PRKCH: variants seen among roughly 807,000 people sequenced by gnomAD.
The protein encoded by PRKCH is protein kinase C eta, also known as protein kinase C eta type.
Under a neutral mutation model 82.5 loss-of-function variants are expected in PRKCH, and 28 were observed. That is an observed-to-expected ratio of 0.34 (90% CI 0.25 to 0.47). The LOEUF is 0.47. Ranked by LOEUF, PRKCH falls within the 20% of genes least tolerant of loss-of-function variation. The pLI, the probability that PRKCH is intolerant of heterozygous loss-of-function variation, is 1.00. For synonymous variants in PRKCH, 322 were observed against 327.4 expected, an observed-to-expected ratio of 0.98 and a Z score of 0.18; for missense variants, 705 against 881.8, an observed-to-expected ratio of 0.80 and a Z score of 2.54.
At chr14:61,507,279 G>A (rs1196983464) in intron 10 of PRKCH, among the ~76,000 whole-genome samples, 4 of 152,124 alleles carry the variant, frequency 2.6e-5, no homozygotes, top group Admixed American at 6.5e-5. Context: ...CCAAAAACCT[G>A]AGGACAAGTG....
intron 3 of PRKCH, 30 bp from the exon 4 acceptor site, chr14:61,445,662 G>A (rs1234090005): frequency 6.3e-7 from 1 of 1,592,864 alleles, no homozygotes; most frequent in Non-Finnish European, 8.6e-7. Context: ...TGAAATACTT[G>A]ACTGATGGTA....
chr14:61,378,212 C>A (rs138032652), intron 1 of PRKCH, among the ~76,000 whole-genome samples: 5 of 142,918 alleles, frequency 3.5e-5, no homozygotes, highest in African/African-American at 1.1e-4. Context: ...CTTTTTTTTT[C>A]TTTTTCTTTT....
chr14:61,378,531 C>G (rs2046455865), intron 1 of PRKCH, among the ~76,000 whole-genome samples: 1 of 152,190 alleles, frequency 6.6e-6, no homozygotes, highest in South Asian at 2.1e-4. Flanking sequence ...GATGTTGCCA[C>G]TGACCTATTC....
chr14:61,502,614 T>C (rs1231837462), intron 10 of PRKCH, among the ~76,000 whole-genome samples: 1 of 152,154 alleles, frequency 6.6e-6, no homozygotes, highest in East Asian at 1.9e-4. Context: ...ATAGAGTGCC[T>C]TCTGTTGTAC....
At chr14:61,219,961 A>T (rs571029099) in intron 1 of PRKCH, among the ~76,000 whole-genome samples, 6 of 152,328 alleles carry the variant, frequency 3.9e-5, no homozygotes, top group African/African-American at 4.8e-5. Context: ...CTGCAACCTG[A>T]CTACATTCCT....
intron 12 of PRKCH, among the ~76,000 whole-genome samples, chr14:61,542,283 A>C (rs968462567): frequency 1.3e-5 from 2 of 150,876 alleles, no homozygotes; most frequent in African/African-American, 4.9e-5. Context: ...CAAGAGCGAG[A>C]CTCCATATCA....
intron 2 of PRKCH, among the ~76,000 whole-genome samples, chr14:61,406,254 A>G (rs779728561): frequency 1.3e-5 from 2 of 152,250 alleles, no homozygotes; most frequent in African/African-American, 2.4e-5. Flanking sequence ...AGAGTTGACA[A>G]AAACCCCAAA....
intron 10 of PRKCH, among the ~76,000 whole-genome samples, chr14:61,491,837 G>T (rs989863087): frequency 6.6e-6 from 1 of 152,212 alleles, no homozygotes; most frequent in African/African-American, 2.4e-5. Context: ...ATACTCGCCA[G>T]TGGAGGGTAT....
At chr14:61,492,463 A>G (rs1005145890) in intron 10 of PRKCH, among the ~76,000 whole-genome samples, 1 of 152,224 alleles carries the variant, frequency 6.6e-6, no homozygotes, top group Non-Finnish European at 1.5e-5. Flanking sequence ...ATTGTTTCTC[A>G]TAGTGGATAT....
chr14:61,212,419 G>A (rs985537985), intron 1 of PRKCH, among the ~76,000 whole-genome samples: 4 of 152,154 alleles, frequency 2.6e-5, no homozygotes, highest in African/African-American at 9.7e-5. Context: ...ACAGAAAATA[G>A]AATCAGTAAT....
intron 1 of PRKCH, among the ~76,000 whole-genome samples, chr14:61,379,094 T>G (rs1294480871): frequency 6.6e-6 from 1 of 152,242 alleles, no homozygotes; most frequent in Non-Finnish European, 1.5e-5. Context: ...TTGGATGCAC[T>G]TTCCTCTGCA....
At chr14:61,365,264 G>T (rs1035349582) in intron 1 of PRKCH, among the ~76,000 whole-genome samples, 1 of 152,080 alleles carries the variant, frequency 6.6e-6, no homozygotes, top group African/African-American at 2.4e-5. Context: ...ATCTGAAGAT[G>T]CTGTTGGGAT....
At chr14:61,322,715 A>C in intron 1 of PRKCH, 1 of 471,718 alleles carries the variant, frequency 2.1e-6, no homozygotes, top group Admixed American at 3.5e-5. Flanking sequence ...CCTAACGGGA[A>C]GTCGGGCAGG....
At chr14:61,201,563 A>C (rs1185187375) in intron 1 of PRKCH, among the ~76,000 whole-genome samples, 1 of 152,212 alleles carries the variant, frequency 6.6e-6, no homozygotes, top group African/African-American at 2.4e-5. Flanking sequence ...TTGATCACAT[A>C]AAAATAGTAA....
intron 1 of PRKCH, among the ~76,000 whole-genome samples, chr14:61,357,657 A>G (rs1566836720): frequency 6.6e-6 from 1 of 152,146 alleles, no homozygotes; most frequent in South Asian, 2.1e-4. Flanking sequence ...TATAGTCCTT[A>G]TCTTTCTGGA....
intron 1 of PRKCH, among the ~76,000 whole-genome samples, chr14:61,312,850 C>T (rs2045535735): frequency 6.6e-6 from 1 of 152,168 alleles, no homozygotes; most frequent in African/African-American, 2.4e-5. Context: ...GGGTGGCACA[C>T]AGCCAAACCA....
At chr14:61,227,316 T>C (rs898403887) in intron 1 of PRKCH, among the ~76,000 whole-genome samples, 1 of 152,224 alleles carries the variant, frequency 6.6e-6, no homozygotes, top group African/African-American at 2.4e-5. Context: ...CTGTTGTGGC[T>C]GGGCGCGGTG....
intron 2 of PRKCH, among the ~76,000 whole-genome samples, chr14:61,413,779 C>T (rs892373611): frequency 6.6e-6 from 1 of 152,058 alleles, no homozygotes; most frequent in Non-Finnish European, 1.5e-5. Context: ...ACTAATTCTT[C>T]ACTTCATTGC....
intron 12 of PRKCH, among the ~76,000 whole-genome samples, chr14:61,536,455 C>T (rs896915935): frequency 6.6e-6 from 1 of 152,252 alleles, no homozygotes; most frequent in Admixed American, 6.5e-5. Context: ...GCAGGAAGAG[C>T]TGAGATCTCC....
Sources: gnomAD v4.1 joint callset for allele counts (sites outside exome capture counted in the v4.1 genomes callset) on GRCh38, gnomAD v4.1.1 for gene constraint, MANE v1.5 for transcripts, NCBI Gene and HGNC (gene_info 2026-07-23, HGNC 2026-07-21) for gene names.